CLN6: variants seen among roughly 807,000 people sequenced by gnomAD.
CLN6 encodes the protein ceroid-lipofuscinosis neuronal protein 6.
In CLN6, 22 loss-of-function variants were observed where a neutral mutation model predicts 33.3. The observed-to-expected ratio is 0.66, with a 90% CI of 0.47 to 0.94. The LOEUF (loss-of-function observed/expected upper bound fraction) is 0.94, where lower values mean the gene tolerates loss of function less well. Among genes scored for constraint, CLN6 ranks in the 40% least tolerant of loss-of-function variants. The pLI, the probability that CLN6 is intolerant of heterozygous loss-of-function variation, is 0.00. For missense variants in CLN6, 387 were observed against 417.1 expected, an observed-to-expected ratio of 0.93 and a Z score of 0.63; for synonymous variants, 201 against 174.6, an observed-to-expected ratio of 1.15 and a Z score of -1.19.
At chr15:68,226,713 T>C (rs12594879) in intron 1 of CLN6, among the ~76,000 whole-genome samples, 152,233 of 152,254 alleles carry the variant, frequency 1, 76,106 homozygotes, top group East Asian at 1. Flanking sequence ...GATCCGCCCA[T>C]CTCGGCCTCC....
chr15:68,249,380 G>A (rs1892355669), intron 1 of CLN6, among the ~76,000 whole-genome samples: 1 of 152,210 alleles, frequency 6.6e-6, no homozygotes, highest in African/African-American at 2.4e-5. Context: ...TCCCATGTTT[G>A]CTGCAGCACT....
At chr15:68,244,780 C>T (rs965533536) in intron 1 of CLN6, among the ~76,000 whole-genome samples, 18 of 152,132 alleles carry the variant, frequency 1.2e-4, no homozygotes, top group East Asian at 3.9e-4. Context: ...CAGGCAATAG[C>T]GGCCAGGCAC....
At position 68,247,104 on chromosome 15, in the gene CLN6, C is replaced by T. The variant is rs564064098; in HGVS notation, c.179+9586G>A. 3.3e-5 allele frequency among the ~76,000 whole-genome samples: 5 copies of T among 152,102 alleles called. No homozygotes were observed. The South Asian group carries it at 1.0e-3, about 32-fold the overall frequency. ...CTGGGAGGTGTTCTAAGCTCTGGAA[C>T]AAAACAAGGATGCCCACCTCCACTT... On this transcript the variant is annotated intron_variant, in intron 1 of 6. Transcript: ENST00000538696. The surrounding 1 kb of genome is among the most constrained non-coding windows in gnomAD (Gnocchi z 4.2).
chr15:68,209,685 A>T lies in CLN6; in HGVS notation c.617T>A (p.Ile206Asn). 1 of 1,613,746 alleles carries T rather than the reference A, an allele frequency of 6.2e-7. No homozygotes were observed. The highest frequency in any genetic ancestry group is 8.5e-7 in the Non-Finnish European group (1 of 1,179,978). The change falls in exon 6 of 7, where the codon ATT becomes AAT. Residue 206 changes from isoleucine (I) to asparagine (N), a missense_variant. Ile to Asn is a moderately radical substitution (Grantham distance 149). Transcript: ENST00000249806. This position sits in a 1 kb window ranked among gnomAD's most constrained non-coding sequence, Gnocchi z 4.9. ...CACCAGGAGCAGGGCAGGCCCTGGA[A>T]TCAAGCTCTCAGCTTTAGAGGCAGT... ...CFTASKAESL[I>N]PGPALLLVAP...
chr15:68,235,557 G>A (rs1216254259), intron 1 of CLN6, among the ~76,000 whole-genome samples: 2 of 148,418 alleles, frequency 1.3e-5, no homozygotes, highest in African/African-American at 5.1e-5. Context: ...GTGACAGAGC[G>A]AGTCTGTGTC....
At chr15:68,235,943 C>T (rs1892216656) in intron 1 of CLN6, among the ~76,000 whole-genome samples, 1 of 152,108 alleles carries the variant, frequency 6.6e-6, no homozygotes, top group Non-Finnish European at 1.5e-5. Context: ...AACAAGCCAC[C>T]ATGAATGAGA....
chr15:68,214,836 G>A (rs1419168428), intron 2 of CLN6: 3 of 256,728 alleles, frequency 1.2e-5, no homozygotes, highest in Non-Finnish European at 2.3e-5. Context: ...GGCCTACTTG[G>A]ACCGTTCGGG....
At chr15:68,215,232 C>G (rs558848407) in intron 2 of CLN6, 1 of 152,054 alleles carries the variant, frequency 6.6e-6, no homozygotes, top group South Asian at 2.1e-4. Context: ...AAACTAAACC[C>G]GCAGAAATAA....
intron 1 of CLN6, among the ~76,000 whole-genome samples, chr15:68,226,868 T>C (rs979523084): frequency 6.6e-6 from 1 of 152,108 alleles, no homozygotes; most frequent in Non-Finnish European, 1.5e-5. Flanking sequence ...GTTATAAACA[T>C]ATTATTTGGA....
intron 1 of CLN6, among the ~76,000 whole-genome samples, chr15:68,255,477 CA>C (rs1229269878): frequency 1.3e-5 from 2 of 152,334 alleles, no homozygotes; most frequent in Admixed American, 6.5e-5. Flanking sequence ...GCTCATGAAA[CA>C]TTGTTAAACA....
At position 68,211,528 on chromosome 15, in the gene CLN6, A is replaced by G; in HGVS notation, c.486+147T>C. ...CTTCCTAAGAACACTTGAGCATCCT[A>G]GCTTGGGGCAGGCGACAGTGCCCTC... is the stretch of plus-strand genomic sequence containing the variant. On this transcript the variant is annotated intron_variant, in intron 4 of 6. Coordinates refer to ENST00000249806, the MANE Select transcript of CLN6 (RefSeq NM_017882.3). This position sits in a 1 kb window ranked among gnomAD's most constrained non-coding sequence, Gnocchi z 5.9. 2 of 1,593,532 alleles carry G rather than the reference A, an allele frequency of 1.3e-6. No homozygotes were observed. Among genetic ancestry groups the G allele is most frequent in the South Asian group, 2.2e-5 (2 of 89,602 alleles).
In CLN6 at chr15:68,256,866, CATTTTCCGCCCAGGCAAGG is replaced by C; in HGVS notation, c.-17_2del. On this transcript the variant is annotated start_lost and 5_prime_UTR_variant, in exon 1 of 7. Coordinates refer to the CLN6 transcript ENST00000538696. This position sits in a 1 kb window ranked among gnomAD's most constrained non-coding sequence, Gnocchi z 4.1. ...GCCGCTCCTTCCCGGCAACGGCTGCCATTTTCCGCCCAGGCAAGGTCCTGGGCGCGGCTCTGGGGAGGGT... is the reference window on the plus strand; with the variant it reads ...GCCGCTCCTTCCCGGCAACGGCTGCCTCCTGGGCGCGGCTCTGGGGAGGGT... 1.6e-6 allele frequency: 1 copy of C among 632,244 alleles called. No homozygotes were observed. Among genetic ancestry groups the C allele is most frequent in the East Asian group, 3.0e-5 (1 of 33,550 alleles). The allele number at this position is 632,244 out of a possible 1,614,324, so 39.2% of individuals were successfully genotyped here.
chr15:68,221,380 C>T (rs568462528), intron 1 of CLN6, among the ~76,000 whole-genome samples: 2 of 152,224 alleles, frequency 1.3e-5, no homozygotes, highest in Non-Finnish European at 2.9e-5. Context: ...CGCAGGCACA[C>T]GCCGCCACAC....
At chr15:68,214,024 C>A (rs968225328) in intron 3 of CLN6, 3 of 425,104 alleles carry the variant, frequency 7.1e-6, no homozygotes, top group Admixed American at 3.5e-5. Flanking sequence ...TCTACCTGAA[C>A]ACCTCTCTGC....
chr15:68,214,602 C>T (rs1470734949), intron 2 of CLN6: 11 of 533,932 alleles, frequency 2.1e-5, no homozygotes, highest in Middle Eastern at 1.0e-3. Flanking sequence ...GAGGAGGTAA[C>T]GGACTTGTCC....
intron 1 of CLN6, among the ~76,000 whole-genome samples, chr15:68,221,278 CTGGACTGTACTGCCG>C (rs1321139680): frequency 7.1e-6 from 1 of 141,646 alleles, no homozygotes; most frequent in Non-Finnish European, 1.5e-5. Flanking sequence ...GTTGCTGAGG[CTGGACTGTACTGCCG>C]TGATCTCAGC....
At position 68,218,236 on chromosome 15, in the gene CLN6, C is replaced by T. The variant is rs1246481503; in HGVS notation, c.198+300G>A. ...GTCTGTCTTGGTGATTTGGTTCAAC[C>T]TGGTTCACCTGCTTCCAGACACAGG... On this transcript the variant is annotated intron_variant, in intron 2 of 6. Coordinates refer to ENST00000249806, the MANE Select transcript of CLN6 (RefSeq NM_017882.3). 1.1e-5 allele frequency: 4 copies of T among 349,532 alleles called. No homozygotes were observed. In the Admixed American group the frequency reaches 1.2e-4, roughly 10 times the overall value. 21.7% of individuals were successfully genotyped at this position (349,532 alleles called of 1,614,324 possible). A position where few individuals can be genotyped will look rare whatever the true frequency, so the allele number is the denominator to read the frequency against.
At chr15:68,237,795 T>C (rs1892235010) in intron 1 of CLN6, among the ~76,000 whole-genome samples, 1 of 152,190 alleles carries the variant, frequency 6.6e-6, no homozygotes, top group African/African-American at 2.4e-5. Context: ...ATAAAAGACA[T>C]GAGCCCACAG....
chr15:68,218,764 T>C (rs1595821502), intron 1 of CLN6, 114 bp from the exon 2 acceptor site: 3 of 744,674 alleles, frequency 4.0e-6, no homozygotes, highest in Non-Finnish European at 7.1e-6. Context: ...GAGACACACA[T>C]AATTGAGTTC....
Sources: gnomAD v4.1 joint callset for allele counts (sites outside exome capture counted in the v4.1 genomes callset) on GRCh38, gnomAD v4.1.1 for gene constraint, Gnocchi (gnomAD v3.1) non-coding constraint, MANE v1.5 for transcripts, NCBI Gene and HGNC (gene_info 2026-07-23, HGNC 2026-07-21) for gene names.